SGCZ: variants seen among roughly 807,000 people sequenced by gnomAD.
SGCZ encodes the protein sarcoglycan zeta.
SGCZ carries 40 observed loss-of-function variants against 41.3 expected under a neutral mutation model. The ratio of observed to expected loss-of-function variants is 0.97; its 90% CI spans 0.75 to 1.26. The LOEUF (loss-of-function observed/expected upper bound fraction) is 1.26. Ranked by LOEUF, SGCZ falls within the 50% of genes most tolerant of loss-of-function variation. SGCZ has a pLI of 0.00. For missense variants in SGCZ, 552 were observed against 369.8 expected (o/e 1.49, Z -4.04); for synonymous variants, 206 against 137.5 (o/e 1.50, Z -3.49).
intron 2 of SGCZ, among the ~76,000 whole-genome samples, chr8:14,437,027 G>A (rs1284606771): frequency 1.3e-5 from 2 of 152,170 alleles, no homozygotes; most frequent in African/African-American, 4.8e-5. Context: ...CCAGGAGCGG[G>A]TTAGACTCCC....
intron 1 of SGCZ, among the ~76,000 whole-genome samples, chr8:14,986,671 G>C (rs930171447): frequency 6.6e-6 from 1 of 151,980 alleles, no homozygotes; most frequent in Non-Finnish European, 1.5e-5. Flanking sequence ...ACAGTTTTAA[G>C]AGACTTCTAG....
rs555594917 is a variant in SGCZ, at chr8:15,134,301, G to A, written c.39+103284C>T. ...ATGTAAATATACAATAGGAGCATTA[G>A]GTCTTTTTTTTTTTTGTTTCTTTAC... On this transcript the variant is annotated intron_variant, in intron 1 of 7. Coordinates refer to ENST00000382080, the MANE Select transcript of SGCZ (RefSeq NM_139167.4). Among the ~76,000 whole-genome samples, 34 of 101,006 alleles carry A rather than the reference G, an allele frequency of 3.4e-4. No individual in the cohort carries two copies. The South Asian group carries it at 0.012, about 34-fold the overall frequency. 66.3% of individuals were successfully genotyped at this position (101,006 alleles called of 152,430 possible).
chr8:15,056,469 C>T (rs1234114811), intron 1 of SGCZ, among the ~76,000 whole-genome samples: 1 of 151,554 alleles, frequency 6.6e-6, no homozygotes, highest in Non-Finnish European at 1.5e-5. Flanking sequence ...ACAAAAAACT[C>T]ACTATTAATG....
chr8:15,130,256 G>A (rs187100483), intron 1 of SGCZ, among the ~76,000 whole-genome samples: 9 of 152,234 alleles, frequency 5.9e-5, no homozygotes, highest in East Asian at 1.9e-4. Context: ...CTAAGTGGCC[G>A]TGCAATGTTT....
intron 2 of SGCZ, among the ~76,000 whole-genome samples, chr8:14,490,431 A>G (rs184957097): frequency 1.7e-3 from 255 of 152,276 alleles, no homozygotes; most frequent in African/African-American, 5.5e-3. Context: ...AAATACCAAT[A>G]TATTTTGAGT....
intron 1 of SGCZ, among the ~76,000 whole-genome samples, chr8:14,721,193 C>G (rs1009996060): frequency 1.3e-5 from 2 of 152,144 alleles, no homozygotes; most frequent in Admixed American, 1.3e-4. Flanking sequence ...TTCTTTGTTA[C>G]TAACACTCAT....
intron 2 of SGCZ, among the ~76,000 whole-genome samples, chr8:14,440,678 CAT>C (rs1800224371): frequency 1.2e-5 from 1 of 85,356 alleles, no homozygotes; most frequent in Non-Finnish European, 2.7e-5. Context: ...TATGTATATA[CAT>C]ACGTATACAC....
At chr8:15,215,425 C>T (rs1000215637) in intron 1 of SGCZ, among the ~76,000 whole-genome samples, 1 of 152,136 alleles carries the variant, frequency 6.6e-6, no homozygotes, top group Non-Finnish European at 1.5e-5. Flanking sequence ...TTTTTACAGG[C>T]ACTGTTTTAC....
chr8:14,460,740 A>G (rs1343011055), intron 2 of SGCZ, among the ~76,000 whole-genome samples: 5 of 152,216 alleles, frequency 3.3e-5, no homozygotes, highest in African/African-American at 1.2e-4. Context: ...GTGTTTCAAA[A>G]GGTACAATAG....
At chr8:15,149,515 C>T (rs1799121054) in intron 1 of SGCZ, among the ~76,000 whole-genome samples, 1 of 152,128 alleles carries the variant, frequency 6.6e-6, no homozygotes, top group Non-Finnish European at 1.5e-5. Context: ...GCCTCCAAGG[C>T]TCTGACAGAC....
At chr8:15,143,590 C>T (rs959181053) in intron 1 of SGCZ, among the ~76,000 whole-genome samples, 2 of 152,264 alleles carry the variant, frequency 1.3e-5, no homozygotes, top group African/African-American at 2.4e-5. Flanking sequence ...CCATGGCTTA[C>T]AAAAACACAT....
intron 1 of SGCZ, among the ~76,000 whole-genome samples, chr8:14,583,825 AC>A: frequency 7.9e-6 from 1 of 126,502 alleles, no homozygotes; most frequent in East Asian, 2.7e-4. Flanking sequence ...ATATGGCAAA[AC>A]ATATATATAT....
chr8:14,592,982 T>A (rs1382121280), intron 1 of SGCZ, among the ~76,000 whole-genome samples: 2 of 152,188 alleles, frequency 1.3e-5, no homozygotes, highest in East Asian at 3.9e-4. Context: ...AATTGTTGGT[T>A]TCTGTTGTCT....
chr8:14,142,368 C>G lies in SGCZ; in HGVS notation c.547+22212G>C, dbSNP rs1585173463. Among the ~76,000 whole-genome samples the G allele has an allele frequency of 3.3e-5, 5 of 151,866 alleles. No homozygotes were observed. The South Asian group carries it at 1.0e-3, about 32-fold the overall frequency. On this transcript the variant is annotated intron_variant, in intron 5 of 7. Transcript: ENST00000382080. ...AAACACATACACACAAATTTTTTTTCTAAGAACAAAATTCTAACAGGAACA... is the reference window on the plus strand; with the variant it reads ...AAACACATACACACAAATTTTTTTTGTAAGAACAAAATTCTAACAGGAACA...
At chr8:14,184,603 T>C (rs1343724139) in intron 4 of SGCZ, among the ~76,000 whole-genome samples, 1 of 152,202 alleles carries the variant, frequency 6.6e-6, no homozygotes, top group Non-Finnish European at 1.5e-5. Flanking sequence ...GATTATGTTA[T>C]CAATGCTACT....
At chr8:14,249,982 T>C (rs1208523764) in intron 3 of SGCZ, among the ~76,000 whole-genome samples, 1 of 152,142 alleles carries the variant, frequency 6.6e-6, no homozygotes, top group African/African-American at 2.4e-5. Flanking sequence ...ACTAAGAAGA[T>C]TACTCCAACC....
intron 1 of SGCZ, among the ~76,000 whole-genome samples, chr8:14,788,786 T>C (rs1263839201): frequency 6.6e-6 from 1 of 152,104 alleles, no homozygotes; most frequent in Non-Finnish European, 1.5e-5. Context: ...CAGCCTCCCG[T>C]TAAAACATTT....
chr8:15,129,407 C>T (rs1000714093), intron 1 of SGCZ, among the ~76,000 whole-genome samples: 2 of 152,118 alleles, frequency 1.3e-5, no homozygotes, highest in African/African-American at 2.4e-5. Context: ...CAATTCATAA[C>T]ATTTTTAGTC....
At chr8:14,334,615 C>T (rs1348338287) in intron 2 of SGCZ, among the ~76,000 whole-genome samples, 1 of 151,870 alleles carries the variant, frequency 6.6e-6, no homozygotes, top group African/African-American at 2.4e-5. Context: ...TTGTTTGTTT[C>T]CCTGATTCAT....
Sources: allele counts gnomAD v4.1 joint callset (sites outside exome capture counted in the v4.1 genomes callset), GRCh38; gene constraint gnomAD v4.1.1; transcripts MANE v1.5; gene names NCBI Gene and HGNC (gene_info 2026-07-23, HGNC 2026-07-21).